Variants in EEA1 observed in about 807,000 individuals in gnomAD.
EEA1 encodes early endosome antigen 1.
A neutral mutation model predicts 209.2 loss-of-function variants in EEA1; 111 were observed. That is an observed-to-expected ratio of 0.53 (90% CI 0.45 to 0.62). EEA1 has a LOEUF of 0.62. Among genes scored for constraint, EEA1 ranks in the 20% least tolerant of loss-of-function variants. The probability of loss-of-function intolerance (pLI) is 0.00; values close to 1 mark genes in which losing one functional copy is unlikely to be tolerated. For synonymous variants in EEA1, 536 were observed against 540.6 expected (o/e 0.99, Z 0.12); for missense variants, 1,343 against 1,530.8 (o/e 0.88, Z 2.05).
intron 15 of EEA1, among the ~76,000 whole-genome samples, chr12:92,814,450 A>T (rs1284772514): frequency 6.6e-6 from 1 of 152,204 alleles, no homozygotes; most frequent in African/African-American, 2.4e-5. Context: ...ATATTTTAAC[A>T]TATGATAATC....
Position 92,812,983 on chromosome 12 carries a change from C to T in EEA1, c.2040G>A (p.Gln680=). ...DTAQNALQDK[Q]QELNKITTQL... is the part of the protein sequence containing the mutation. ...GAAATTGCATCTGTTTCCCTACCTG[C>T]TGTTTATCTTGTAATGCATTTTGAG... The change falls in exon 16 of 29, where the codon CAG becomes CAA. Residue 680 remains glutamine, a synonymous_variant. Transcript: ENST00000322349. 1 of 1,567,942 alleles carries T rather than the reference C, an allele frequency of 6.4e-7. No homozygotes were observed. The highest frequency in any genetic ancestry group is 8.7e-7 in the Non-Finnish European group (1 of 1,149,472).
intron 22 of EEA1, among the ~76,000 whole-genome samples, chr12:92,787,504 A>G (rs1210234425): frequency 6.6e-6 from 1 of 152,088 alleles, no homozygotes; most frequent in African/African-American, 2.4e-5. Flanking sequence ...TAATGTCAGA[A>G]TTGCCTGACA....
chr12:92,845,169 T>C (rs1164798624), intron 9 of EEA1, among the ~76,000 whole-genome samples: 3 of 152,216 alleles, frequency 2.0e-5, no homozygotes, highest in Non-Finnish European at 2.9e-5. Context: ...AATTTTTATA[T>C]AGATAAATTC....
chr12:92,864,846 T>C lies in EEA1; in HGVS notation c.245+14A>G. 1 of 1,565,536 alleles carries C rather than the reference T, an allele frequency of 6.4e-7. No individual in the cohort carries two copies. The highest frequency in any genetic ancestry group is 8.6e-7 in the Non-Finnish European group (1 of 1,159,576). ...TATTCCATAACATTATACTTCAAAA[T>C]TATCATACCGTACCGCTTCAAAGCA... On this transcript the variant is annotated intron_variant, in intron 3 of 28. Transcript: ENST00000322349.
At chr12:92,886,966 T>C (rs1879437048) in intron 2 of EEA1, among the ~76,000 whole-genome samples, 1 of 150,946 alleles carries the variant, frequency 6.6e-6, no homozygotes, top group Non-Finnish European at 1.5e-5. Context: ...ACCACTGCAC[T>C]CCAGCCTGGG....
chr12:92,827,862 C>G, intron 12 of EEA1, 50 bp downstream of exon 12: 2 of 1,436,898 alleles, frequency 1.4e-6, no homozygotes, highest in Non-Finnish European at 1.8e-6. Context: ...GAATCATAAT[C>G]ATGTTAAAGA....
At chr12:92,851,678 T>C (rs1207756370) in intron 8 of EEA1, among the ~76,000 whole-genome samples, 2 of 152,148 alleles carry the variant, frequency 1.3e-5, no homozygotes, top group African/African-American at 4.8e-5. Context: ...TATATATTTA[T>C]TGAGAGCTAA....
rs573903207 is a variant in EEA1 at position 92,774,362 on chromosome 12, C to A, written c.*1649G>T. On this transcript the variant is annotated 3_prime_UTR_variant, in exon 29 of 29. Transcript: ENST00000322349. The stretch of plus-strand genomic sequence containing the variant: ...AATAATTAAACAAATATGTAGTGAT[C>A]TCTTTAGTTTACATACACTGTAGGT... The A allele has an allele frequency of 5.3e-5, 8 of 151,340 alleles. No individual in the cohort carries two copies. Among genetic ancestry groups the A allele is most frequent in the Non-Finnish European group, 1.0e-4 (7 of 67,454 alleles). 9.4% of individuals were successfully genotyped at this position (151,340 alleles called of 1,614,324 possible). A position where few individuals can be genotyped will look rare whatever the true frequency, so the allele number is the denominator to read the frequency against.
At chr12:92,801,398 C>G (rs1049551184) in intron 20 of EEA1, among the ~76,000 whole-genome samples, 1 of 151,604 alleles carries the variant, frequency 6.6e-6, no homozygotes, top group Non-Finnish European at 1.5e-5. Context: ...CAATTTTAAA[C>G]TATATACATG....
intron 2 of EEA1, among the ~76,000 whole-genome samples, chr12:92,865,648 T>C (rs1372424110): frequency 1.3e-5 from 2 of 152,090 alleles, no homozygotes; most frequent in African/African-American, 4.8e-5. Context: ...ATCCATGTTT[T>C]ACAAATTTTA....
chr12:92,848,722 C>CTTTT lies in EEA1; in HGVS notation c.798+2385_798+2388dup, dbSNP rs71069184. 4.6e-4 allele frequency among the ~76,000 whole-genome samples: 30 copies of CTTTT among 64,582 alleles called. 1 individual carries two copies. Among genetic ancestry groups the CTTTT allele is most frequent in the South Asian group, 1.6e-3 (2 of 1,218 alleles). 42.4% of individuals were successfully genotyped at this position (64,582 alleles called of 152,430 possible). ...TTAGCAAGTTATATTATATTCTCAC[C>CTTTT]TTTTTTTTTTTTTTTTTTTTTTTTT... is the stretch of plus-strand genomic sequence containing the variant. On this transcript the variant is annotated intron_variant, in intron 9 of 28. Coordinates refer to ENST00000322349, the MANE Select transcript of EEA1 (RefSeq NM_003566.4).
chr12:92,893,481 C>A (rs765483036), intron 1 of EEA1, among the ~76,000 whole-genome samples: 1 of 152,212 alleles, frequency 6.6e-6, no homozygotes, highest in African/African-American at 2.4e-5. Flanking sequence ...CACCTCACTA[C>A]ATATTTGCCT....
At chr12:92,825,143 C>T (rs910557638) in intron 13 of EEA1, among the ~76,000 whole-genome samples, 3 of 152,232 alleles carry the variant, frequency 2.0e-5, no homozygotes, top group African/African-American at 7.2e-5. Flanking sequence ...GAATTAAAGC[C>T]GGGTGCAGTG....
At position 92,787,931 on chromosome 12, in the gene EEA1, T is replaced by C. The variant is rs151233522; in HGVS notation, c.3086A>G (p.Lys1029Arg). The change falls in exon 22 of 29, where the codon AAA (lysine) becomes AGA (arginine). Residue 1029 changes from lysine (K) to arginine (R), a missense_variant. Coordinates refer to ENST00000322349, the MANE Select transcript of EEA1 (RefSeq NM_003566.4). ...CCCATAGAAATCAGATTGAAGCTGT[T>C]TGAAAGTTTCCTGACTTTTTTCATA... Reference protein sequence around the residue: ...NNYEKSQETFKQLQSDFYGRE... With the variant: ...NNYEKSQETFRQLQSDFYGRE... 7.3e-4 allele frequency: 1,184 copies of C among 1,613,274 alleles called. 3 individuals are homozygous for C. The highest frequency in any genetic ancestry group is 8.5e-4 in the Non-Finnish European group (1,001 of 1,179,618).
chr12:92,916,496 T>C (rs1411961127), intron 1 of EEA1, among the ~76,000 whole-genome samples: 1 of 149,626 alleles, frequency 6.7e-6, no homozygotes, highest in South Asian at 2.1e-4. Flanking sequence ...CTACTAAAAA[T>C]ACAAAAATTA....
At chr12:92,834,796 C>T (rs1876837612) in intron 10 of EEA1, among the ~76,000 whole-genome samples, 1 of 152,046 alleles carries the variant, frequency 6.6e-6, no homozygotes, top group Non-Finnish European at 1.5e-5. Flanking sequence ...TTTTTCTTGA[C>T]ATAATTCTAC....
At chr12:92,885,757 G>A (rs1239293080) in intron 2 of EEA1, among the ~76,000 whole-genome samples, 1 of 152,170 alleles carries the variant, frequency 6.6e-6, no homozygotes, top group Non-Finnish European at 1.5e-5. Flanking sequence ...AAGTGGAATG[G>A]GTCTTGCTGT....
At chr12:92,840,143 T>C (rs1471276709) in intron 10 of EEA1, among the ~76,000 whole-genome samples, 1 of 152,162 alleles carries the variant, frequency 6.6e-6, no homozygotes, top group Non-Finnish European at 1.5e-5. Context: ...CTTGACTTTT[T>C]CCTTATTATA....
intron 5 of EEA1, 26 bp downstream of exon 5, chr12:92,857,249 T>A (rs763074095): frequency 7.2e-6 from 11 of 1,531,568 alleles, no homozygotes; most frequent in Non-Finnish European, 9.7e-6. Context: ...CTAATAAACA[T>A]GCTTTAAGTA....
Sources: allele counts gnomAD v4.1 joint callset (sites outside exome capture counted in the v4.1 genomes callset), GRCh38; gene constraint gnomAD v4.1.1; transcripts MANE v1.5; gene names NCBI Gene and HGNC (gene_info 2026-07-23, HGNC 2026-07-21).